The following RIMBP2 variants were observed in gnomAD, a reference collection of about 807,000 sequenced individuals.
The protein encoded by RIMBP2 is RIMS-binding protein 2.
Under a neutral mutation model 118.6 loss-of-function variants are expected in RIMBP2, and 48 were observed. The ratio of observed to expected loss-of-function variants is 0.40; its 90% confidence interval spans 0.32 to 0.51. The LOEUF (loss-of-function observed/expected upper bound fraction) is 0.51, where lower values mean the gene tolerates loss of function less well. Ranked by LOEUF, RIMBP2 falls within the 20% of genes least tolerant of loss-of-function variation. The pLI, the probability that RIMBP2 is intolerant of heterozygous loss-of-function variation, is 0.41. For missense variants in RIMBP2, 1,551 were observed against 1,768.3 expected (o/e 0.88, Z 2.20); for synonymous variants, 762 against 742.9 (o/e 1.03, Z -0.42).
rs2061385668 is a variant in RIMBP2, at chr12:130,622,594, C to T, written c.-217+5728G>A. Among the ~76,000 whole-genome samples the T allele has an allele frequency of 6.6e-6, 1 of 152,112 alleles. No homozygotes were observed. Among genetic ancestry groups the T allele is most frequent in the Non-Finnish European group, 1.5e-5 (1 of 68,024 alleles). ...CCTCCCACCTTTGCCTCCCACAGTG[C>T]TGGGAATACAGAAATGAGCCACTGC... On this transcript the variant is annotated intron_variant, in intron 2 of 22. Coordinates refer to ENST00000690449, the MANE Select transcript of RIMBP2 (RefSeq NM_001393629.1). The surrounding 1 kb of genome is among the most constrained non-coding windows in gnomAD (Gnocchi z 8.5).
chr12:130,676,364 C>T (rs1447570634), intron 1 of RIMBP2, among the ~76,000 whole-genome samples: 1 of 150,916 alleles, frequency 6.6e-6, no homozygotes, highest in Admixed American at 6.6e-5. Flanking sequence ...GTTGCTCACG[C>T]CTGTAACACC....
intron 1 of RIMBP2, among the ~76,000 whole-genome samples, chr12:130,680,870 G>A (rs1029668727): frequency 3.9e-5 from 6 of 152,204 alleles, no homozygotes; most frequent in Non-Finnish European, 7.3e-5. Context: ...ACTTCATTTC[G>A]TGCTGTAGGG....
chr12:130,603,272 G>C (rs1264935282), intron 2 of RIMBP2, among the ~76,000 whole-genome samples: 1 of 152,156 alleles, frequency 6.6e-6, no homozygotes, highest in Admixed American at 6.5e-5. Flanking sequence ...GAACTGGCAG[G>C]ATCATCAGTC....
intron 11 of RIMBP2, among the ~76,000 whole-genome samples, chr12:130,439,599 G>A (rs1397096096): frequency 8.5e-6 from 1 of 117,294 alleles, no homozygotes; most frequent in Non-Finnish European, 1.7e-5. Flanking sequence ...GTGTGTGGGG[G>A]TGTGTTTTTG....
chr12:130,664,379 G>GCACA lies in RIMBP2; in HGVS notation c.-351-35924_-351-35923insTGTG, dbSNP rs1479300929. Among the ~76,000 whole-genome samples, 13 of 127,822 alleles carry GCACA rather than the reference G, an allele frequency of 1.0e-4. 1 individual carries two copies. Among genetic ancestry groups the GCACA allele is most frequent in the African/African-American group, 1.7e-4 (6 of 35,424 alleles). The allele number at this position is 127,822 out of a possible 152,430, so 83.9% of individuals were successfully genotyped here. The stretch of plus-strand genomic sequence containing the variant: ...CACACACATATGCACGTGCATGCAC[G>GCACA]CACGCGCATGCACACACACGCACGC... On this transcript the variant is annotated intron_variant, in intron 1 of 22. Transcript: ENST00000690449.
chr12:130,692,855 G>A (rs867875064), intron 1 of RIMBP2, among the ~76,000 whole-genome samples: 5 of 112,064 alleles, frequency 4.5e-5, no homozygotes, highest in African/African-American at 2.3e-4. Context: ...ATGGGATAGG[G>A]TAGGGTAGGG....
chr12:130,450,590 C>G lies in RIMBP2; in HGVS notation c.505-314G>C, dbSNP rs1046718009. On this transcript the variant is annotated intron_variant, in intron 8 of 22. Transcript: ENST00000690449. The surrounding 1 kb of genome is among the most constrained non-coding windows in gnomAD (Gnocchi z 4.8). ...GCAATCCCGGGAGTCAGCGGCGTGGCCTTTTCTCATAGGGGTGGGGGTAAA... is the reference window on the plus strand; with the variant it reads ...GCAATCCCGGGAGTCAGCGGCGTGGGCTTTTCTCATAGGGGTGGGGGTAAA... Among the ~76,000 whole-genome samples, 3 of 151,960 alleles carry G rather than the reference C, an allele frequency of 2.0e-5. No individual in the cohort carries two copies. Among genetic ancestry groups the G allele is most frequent in the African/African-American group, 7.3e-5 (3 of 41,358 alleles).
At chr12:130,473,022 A>G (rs986269963) in intron 5 of RIMBP2, among the ~76,000 whole-genome samples, 3 of 152,228 alleles carry the variant, frequency 2.0e-5, no homozygotes, top group African/African-American at 7.2e-5. Context: ...GCCACCATTG[A>G]CTCAGTTGAA....
At chr12:130,669,416 C>T (rs927172317) in intron 1 of RIMBP2, among the ~76,000 whole-genome samples, 3 of 152,196 alleles carry the variant, frequency 2.0e-5, no homozygotes, top group Non-Finnish European at 4.4e-5. Context: ...ATAATCCCCA[C>T]GTGTCCAGGG....
chr12:130,554,687 A>C (rs1175351176), intron 2 of RIMBP2, among the ~76,000 whole-genome samples: 2 of 152,224 alleles, frequency 1.3e-5, no homozygotes, highest in Non-Finnish European at 2.9e-5. Context: ...GTTCAAAATA[A>C]CTATGCAGTG....
At position 130,424,178 on chromosome 12, in the gene RIMBP2, G is replaced by A. The variant is rs563931065; in HGVS notation, c.3093C>T (p.His1031=). The A allele has an allele frequency of 8.0e-5, 99 of 1,232,208 alleles. No homozygotes were observed. In the Admixed American group the frequency reaches 1.3e-3, roughly 17 times the overall value. 76.3% of individuals were successfully genotyped at this position (1,232,208 alleles called of 1,614,324 possible). The change falls in exon 16 of 23, where the codon CAC becomes CAT. Residue 1031 remains histidine, a synonymous_variant. Transcript: ENST00000690449. This position sits in a 1 kb window ranked among gnomAD's most constrained non-coding sequence, Gnocchi z 9.8. ...GTGCGACTCTGGGAGGTGGCTTTGC[G>A]TGGGGGGCAGCTGCCCTACTGTCGG... The part of the protein sequence containing the change: ...TMPDSRAAAP[H]AKPPPRVAQG...
chr12:130,438,605 C>T lies in RIMBP2; in HGVS notation c.1505-89G>A, dbSNP rs1027483012. On this transcript the variant is annotated intron_variant, in intron 11 of 22. Coordinates refer to ENST00000690449, the MANE Select transcript of RIMBP2 (RefSeq NM_001393629.1). ...GGGCTCTGCCCATCTCACCTGGAAACGAGATCATTCGGTAAAGTCGCCAGG... is the reference window on the plus strand; with the variant it reads ...GGGCTCTGCCCATCTCACCTGGAAATGAGATCATTCGGTAAAGTCGCCAGG... The T allele has an allele frequency of 1.1e-5, 14 of 1,219,552 alleles. No individual in the cohort carries two copies. The East Asian group carries it at 1.7e-4, about 14-fold the overall frequency. 75.5% of individuals were successfully genotyped at this position (1,219,552 alleles called of 1,614,324 possible).
chr12:130,654,070 C>T (rs1336199674), intron 1 of RIMBP2, among the ~76,000 whole-genome samples: 1 of 152,162 alleles, frequency 6.6e-6, no homozygotes, highest in Non-Finnish European at 1.5e-5. Context: ...TTTAGTCATG[C>T]TAGTTTCTCT....
In RIMBP2 at chr12:130,442,878, C is replaced by T. The variant is rs188741216; in HGVS notation, c.692-218G>A. ...CCCCGTGGCCCAGTCTTCTTTTCTC[C>T]ATGATACTTATCGCAACCTGAAACC... On this transcript the variant is annotated intron_variant, in intron 10 of 22. Coordinates refer to ENST00000690449, the MANE Select transcript of RIMBP2 (RefSeq NM_001393629.1). The surrounding 1 kb of genome is among the most constrained non-coding windows in gnomAD (Gnocchi z 6.9). Among the ~76,000 whole-genome samples the T allele has an allele frequency of 1.2e-3, 185 of 152,290 alleles. 1 individual carries two copies. Among genetic ancestry groups the T allele is most frequent in the African/African-American group, 4.0e-3 (166 of 41,560 alleles).
chr12:130,647,136 G>C (rs912917551), intron 1 of RIMBP2, among the ~76,000 whole-genome samples: 11 of 152,210 alleles, frequency 7.2e-5, no homozygotes, highest in Non-Finnish European at 1.3e-4. Context: ...TAAGCAACTT[G>C]AGAAGGAAAA....
At chr12:130,663,128 T>G (rs2063731949) in intron 1 of RIMBP2, among the ~76,000 whole-genome samples, 1 of 152,156 alleles carries the variant, frequency 6.6e-6, no homozygotes, top group Non-Finnish European at 1.5e-5. Context: ...AGGGGCCGGC[T>G]GGGTTATTTT....
intron 1 of RIMBP2, among the ~76,000 whole-genome samples, chr12:130,632,285 A>G (rs1008629249): frequency 1.3e-5 from 2 of 152,208 alleles, no homozygotes; most frequent in East Asian, 1.9e-4. Flanking sequence ...ACCAACACAC[A>G]TCCTATTCTG....
chr12:130,495,466 C>A (rs1044482632), intron 4 of RIMBP2, among the ~76,000 whole-genome samples: 1 of 152,312 alleles, frequency 6.6e-6, no homozygotes, highest in Middle Eastern at 3.4e-3. Context: ...GGGTGCCCTG[C>A]GCTCCCCTCT....
chr12:130,514,893 T>C (rs1019897392), intron 3 of RIMBP2, among the ~76,000 whole-genome samples: 1 of 151,972 alleles, frequency 6.6e-6, no homozygotes, highest in Non-Finnish European at 1.5e-5. Context: ...CACTTTTTTT[T>C]TGAGACAGAG....
Sources: gnomAD v4.1 joint callset for allele counts (sites outside exome capture counted in the v4.1 genomes callset) on GRCh38, gnomAD v4.1.1 for gene constraint, Gnocchi (gnomAD v3.1) non-coding constraint, MANE v1.5 for transcripts, NCBI Gene and HGNC (gene_info 2026-07-23, HGNC 2026-07-21) for gene names.